Variants in GABRB1 observed in about 807,000 individuals in gnomAD.
GABRB1 encodes gamma-aminobutyric acid receptor subunit beta-1.
A neutral mutation model predicts 51.6 loss-of-function variants in GABRB1; 17 were observed. That is an observed-to-expected ratio of 0.33 (90% CI 0.23 to 0.49). The LOEUF (loss-of-function observed/expected upper bound fraction) is 0.49. GABRB1 is among the 20% of genes least tolerant of loss of function. GABRB1 has a pLI of 0.99. For synonymous variants in GABRB1, 247 were observed against 218.9 expected (o/e 1.13, Z -1.14); for missense variants, 410 against 600.6 (o/e 0.68, Z 3.32).
At chr4:47,247,903 G>A (rs1721828398) in intron 4 of GABRB1, among the ~76,000 whole-genome samples, 1 of 151,942 alleles carries the variant, frequency 6.6e-6, no homozygotes, top group South Asian at 2.1e-4. Flanking sequence ...AGTTCTTGGA[G>A]CTTTCTGGAG....
chr4:47,274,634 G>A (rs1331098300), intron 4 of GABRB1, among the ~76,000 whole-genome samples: 1 of 152,146 alleles, frequency 6.6e-6, no homozygotes, highest in Non-Finnish European at 1.5e-5. Flanking sequence ...TTTAGAGAAG[G>A]TTGTTACCCC....
chr4:47,318,219 A>G (rs1168428087), intron 4 of GABRB1, among the ~76,000 whole-genome samples: 1 of 151,952 alleles, frequency 6.6e-6, no homozygotes, highest in Admixed American at 6.6e-5. Context: ...AAAAGAGATA[A>G]TGTATGCAAA....
chr4:47,014,052 A>T (rs1290250182), intron 1 of GABRB1, among the ~76,000 whole-genome samples: 1 of 152,188 alleles, frequency 6.6e-6, no homozygotes. Context: ...TCTCACCTTG[A>T]GTACATTTTT....
At chr4:47,293,915 T>C (rs889128090) in intron 4 of GABRB1, among the ~76,000 whole-genome samples, 2 of 152,238 alleles carry the variant, frequency 1.3e-5, no homozygotes, top group African/African-American at 2.4e-5. Flanking sequence ...GCAGAACTTA[T>C]GAAAACATAT....
At chr4:47,262,136 A>G (rs1183882693) in intron 4 of GABRB1, among the ~76,000 whole-genome samples, 3 of 151,478 alleles carry the variant, frequency 2.0e-5, no homozygotes, top group African/African-American at 7.3e-5. Flanking sequence ...GGCATGGGCA[A>G]GGACTTCATG....
intron 4 of GABRB1, among the ~76,000 whole-genome samples, chr4:47,308,287 G>A (rs1485527932): frequency 1.3e-5 from 2 of 151,998 alleles, no homozygotes; most frequent in Admixed American, 1.3e-4. Flanking sequence ...CCACATAGGG[G>A]AAAAATGAAA....
At chr4:47,084,276 G>T (rs925082813) in intron 3 of GABRB1, among the ~76,000 whole-genome samples, 1 of 152,124 alleles carries the variant, frequency 6.6e-6, no homozygotes, top group Admixed American at 6.6e-5. Flanking sequence ...GCTTTGCAAG[G>T]CAAACATAGG....
chr4:46,999,437 A>T (rs571819232), intron 1 of GABRB1, among the ~76,000 whole-genome samples: 1 of 152,226 alleles, frequency 6.6e-6, no homozygotes, highest in East Asian at 1.9e-4. Flanking sequence ...GACATCTAAA[A>T]TATGTTACGT....
intron 3 of GABRB1, among the ~76,000 whole-genome samples, chr4:47,129,339 T>C (rs1716307149): frequency 6.6e-6 from 1 of 152,042 alleles, no homozygotes; most frequent in Admixed American, 6.6e-5. Context: ...AATGTAAATG[T>C]CCCCGCCTAC....
At chr4:47,098,325 G>C (rs898007094) in intron 3 of GABRB1, among the ~76,000 whole-genome samples, 1 of 151,944 alleles carries the variant, frequency 6.6e-6, no homozygotes, top group Admixed American at 6.6e-5. Flanking sequence ...TACTCTGGGG[G>C]GTTATTGATT....
Position 47,177,721 on chromosome 4 carries a change from C to T in GABRB1, c.461+16252C>T, listed in dbSNP as rs535082954. On this transcript the variant is annotated intron_variant, in intron 4 of 8. Coordinates refer to ENST00000295454, the MANE Select transcript of GABRB1 (RefSeq NM_000812.4). Reference sequence around the variant, plus strand: ...TGACCTAAAACTGACTCCTCAACTTCTCTGAGCCTCAGTTTCCTCACTTAT... The same window carrying T: ...TGACCTAAAACTGACTCCTCAACTTTTCTGAGCCTCAGTTTCCTCACTTAT... Among the ~76,000 whole-genome samples, 130 of 152,008 alleles carry T rather than the reference C, an allele frequency of 8.6e-4. 1 individual carries two copies. Among genetic ancestry groups the T allele is most frequent in the Non-Finnish European group, 5.3e-4 (36 of 67,970 alleles).
intron 5 of GABRB1, among the ~76,000 whole-genome samples, chr4:47,396,861 A>T (rs1455300492): frequency 3.3e-5 from 5 of 152,204 alleles, no homozygotes; most frequent in Non-Finnish European, 4.4e-5. Context: ...TTTCCAAGTT[A>T]TAAGGCAAAA....
At chr4:47,197,013 A>G (rs183408424) in intron 4 of GABRB1, among the ~76,000 whole-genome samples, 3 of 152,342 alleles carry the variant, frequency 2.0e-5, no homozygotes, top group Non-Finnish European at 2.9e-5. Flanking sequence ...CAAGAGGAGT[A>G]AGTAACTTGT....
chr4:47,211,886 C>G (rs1208196104), intron 4 of GABRB1, among the ~76,000 whole-genome samples: 1 of 152,086 alleles, frequency 6.6e-6, no homozygotes, highest in Non-Finnish European at 1.5e-5. Context: ...GTCTTTTCTC[C>G]CTCTTAGAAA....
At chr4:47,398,173 ATG>A (rs1728244062) in intron 5 of GABRB1, among the ~76,000 whole-genome samples, 1 of 150,312 alleles carries the variant, frequency 6.7e-6, no homozygotes, top group South Asian at 2.1e-4. Flanking sequence ...CATCTATTAT[ATG>A]TTATAAGTTA....
At chr4:47,326,920 A>C (rs1725283403) in intron 5 of GABRB1, among the ~76,000 whole-genome samples, 1 of 152,176 alleles carries the variant, frequency 6.6e-6, no homozygotes, top group Admixed American at 6.5e-5. Context: ...ATAGATTATA[A>C]ACTTCCTGTG....
At chr4:47,068,808 G>A (rs2109540978) in intron 3 of GABRB1, among the ~76,000 whole-genome samples, 1 of 152,234 alleles carries the variant, frequency 6.6e-6, no homozygotes, top group Non-Finnish European at 1.5e-5. Flanking sequence ...CATGAAGTGA[G>A]CACATGCTGT....
intron 4 of GABRB1, among the ~76,000 whole-genome samples, chr4:47,214,784 G>T (rs1479393201): frequency 6.6e-6 from 1 of 152,090 alleles, no homozygotes; most frequent in Non-Finnish European, 1.5e-5. Context: ...TAAGCCAACA[G>T]AATTTCTCCA....
At chr4:47,371,315 A>G (rs4695222) in intron 5 of GABRB1, among the ~76,000 whole-genome samples, 81,678 of 151,558 alleles carry the variant, frequency 0.54, 22,574 homozygotes, top group African/African-American at 0.62. Context: ...TATGTACCAC[A>G]TTTTCTTTAC....
Sources: gnomAD v4.1 joint callset for allele counts (sites outside exome capture counted in the v4.1 genomes callset) on GRCh38, gnomAD v4.1.1 for gene constraint, MANE v1.5 for transcripts, NCBI Gene and HGNC (gene_info 2026-07-23, HGNC 2026-07-21) for gene names.